The following PCDH15 variants were observed in gnomAD, a reference collection of about 807,000 sequenced individuals.
PCDH15 encodes protocadherin related 15.
Under a neutral mutation model 178.5 loss-of-function variants are expected in PCDH15, and 129 were observed. The observed-to-expected ratio is 0.72, with a 90% CI of 0.63 to 0.84. The LOEUF is 0.84. Among genes scored for constraint, PCDH15 ranks in the 40% least tolerant of loss-of-function variants. PCDH15 has a pLI of 0.00. For synonymous variants in PCDH15, 800 were observed against 732.0 expected, an observed-to-expected ratio of 1.09 and a Z score of -1.50; for missense variants, 2,230 against 2,099.9, an observed-to-expected ratio of 1.06 and a Z score of -1.21.
intron 2 of PCDH15, among the ~76,000 whole-genome samples, chr10:54,532,920 TGTGA>T (rs1033588430): frequency 6.6e-6 from 1 of 152,124 alleles, no homozygotes; most frequent in African/African-American, 2.4e-5. Flanking sequence ...ATGGTACCAG[TGTGA>T]GTGAGTGTGG....
At chr10:54,941,826 G>A (rs2131864327) in intron 2 of PCDH15, among the ~76,000 whole-genome samples, 1 of 151,870 alleles carries the variant, frequency 6.6e-6, no homozygotes, top group Admixed American at 6.6e-5. Flanking sequence ...CCCCCGTATT[G>A]TACAACAATC....
chr10:54,785,318 T>A (rs1950754344), intron 1 of PCDH15, among the ~76,000 whole-genome samples: 1 of 151,990 alleles, frequency 6.6e-6, no homozygotes, highest in African/African-American at 2.4e-5. Context: ...CATACCTCAG[T>A]ATTAATACTA....
At chr10:54,895,294 C>T (rs1471838227) in intron 3 of PCDH15, among the ~76,000 whole-genome samples, 2 of 152,216 alleles carry the variant, frequency 1.3e-5, no homozygotes, top group African/African-American at 4.8e-5. Flanking sequence ...GATTATACTT[C>T]TACAGATCAT....
intron 2 of PCDH15, among the ~76,000 whole-genome samples, chr10:54,574,175 T>C (rs2090193439): frequency 6.6e-6 from 1 of 151,388 alleles, no homozygotes; most frequent in Non-Finnish European, 1.5e-5. Context: ...CGTTTAAGTC[T>C]TTAATCCATC....
At chr10:54,931,271 CAT>C (rs1431184924) in intron 2 of PCDH15, among the ~76,000 whole-genome samples, 1 of 152,124 alleles carries the variant, frequency 6.6e-6, no homozygotes, top group East Asian at 1.9e-4. Context: ...TAAACAGAAA[CAT>C]ATCATTTATT....
At chr10:55,220,952 G>A (rs1840856637) in intron 1 of PCDH15, among the ~76,000 whole-genome samples, 1 of 151,874 alleles carries the variant, frequency 6.6e-6, no homozygotes, top group Non-Finnish European at 1.5e-5. Flanking sequence ...AATTCCATCT[G>A]GTACGTTCAA....
At chr10:54,130,967 A>G (rs2042388834) in intron 15 of PCDH15, among the ~76,000 whole-genome samples, 1 of 152,180 alleles carries the variant, frequency 6.6e-6, no homozygotes, top group East Asian at 1.9e-4. Context: ...CCTTCATGGT[A>G]TTACCCTTGT....
intron 1 of PCDH15, among the ~76,000 whole-genome samples, chr10:55,196,809 G>A (rs1219593435): frequency 4.6e-5 from 7 of 151,808 alleles, no homozygotes; most frequent in African/African-American, 1.2e-4. Context: ...TCTTACTCAC[G>A]ATGAATTATT....
intron 2 of PCDH15, among the ~76,000 whole-genome samples, chr10:55,033,072 A>G (rs988754341): frequency 2.6e-5 from 4 of 152,082 alleles, no homozygotes; most frequent in African/African-American, 4.8e-5. Flanking sequence ...TGAGCTGTGG[A>G]GGCTTGGATT....
intron 2 of PCDH15, among the ~76,000 whole-genome samples, chr10:54,990,453 G>A (rs1326459949): frequency 6.6e-6 from 1 of 152,112 alleles, no homozygotes; most frequent in East Asian, 1.9e-4. Flanking sequence ...GGAGTTATTA[G>A]ACTCATCTAT....
chr10:54,559,889 G>C (rs1189045058), intron 2 of PCDH15, among the ~76,000 whole-genome samples: 1 of 135,922 alleles, frequency 7.4e-6, no homozygotes, highest in Non-Finnish European at 1.6e-5. Context: ...AGAAAAGGTG[G>C]TTTGCTCCCT....
At position 54,579,894 on chromosome 10, in the gene PCDH15, C is replaced by T. The variant is rs901989107; in HGVS notation, c.92-52017G>A. ...TCCTGAAGGACTTTCAGATAAACAA[C>T]GATATTAAGGAAATTTATAAAATTA... On this transcript the variant is annotated intron_variant, in intron 2 of 37. Transcript: ENST00000644397. Among the ~76,000 whole-genome samples, 14 of 151,944 alleles carry T rather than the reference C, an allele frequency of 9.2e-5. 2 individuals carry two copies. The highest frequency in any genetic ancestry group is 6.6e-5 in the Admixed American group (1 of 15,236).
chr10:54,120,490 C>G (rs573505419), intron 15 of PCDH15, among the ~76,000 whole-genome samples: 11 of 152,174 alleles, frequency 7.2e-5, no homozygotes, highest in Non-Finnish European at 1.2e-4. Flanking sequence ...AAAAACAAAA[C>G]AAAACCAAGA....
chr10:54,860,617 T>C (rs1591748257), intron 3 of PCDH15, among the ~76,000 whole-genome samples: 1 of 152,270 alleles, frequency 6.6e-6, no homozygotes, highest in East Asian at 1.9e-4. Context: ...GAACATATGA[T>C]TGCATATATT....
rs559209399 is a variant in PCDH15, at chr10:53,810,556, C to T, written c.4671G>A (p.Glu1557=). ...TACATAATAAAATTACAGTAATTAC[C>T]TCTTCCTCCTCATATTCTTCCTCAG... The part of the protein sequence containing the change: ...GEAEEEYEEE[E]WARKRMIKLV... Residue 1557 remains glutamate (E), a splice_region_variant and synonymous_variant, in exon 37 of 38, where the codon GAG becomes GAA. Coordinates refer to ENST00000644397, the MANE Select transcript of PCDH15 (RefSeq NM_001384140.1). 1 of 1,611,308 alleles carries T rather than the reference C, an allele frequency of 6.2e-7. No individual in the cohort carries two copies. Among genetic ancestry groups the T allele is most frequent in the African/African-American group, 1.3e-5 (1 of 74,904 alleles).
At chr10:55,098,677 C>T (rs781097338) in intron 2 of PCDH15, among the ~76,000 whole-genome samples, 10 of 152,000 alleles carry the variant, frequency 6.6e-5, no homozygotes, top group African/African-American at 1.9e-4. Flanking sequence ...CAGCCTTCCC[C>T]GCATGCTATG....
intron 2 of PCDH15, among the ~76,000 whole-genome samples, chr10:55,124,740 T>C (rs1837854588): frequency 6.6e-6 from 1 of 152,110 alleles, no homozygotes; most frequent in South Asian, 2.1e-4. Context: ...TTCTGTATAT[T>C]TTACCTGCCT....
At chr10:54,057,239 G>A (rs571684750) in intron 18 of PCDH15, among the ~76,000 whole-genome samples, 1 of 152,200 alleles carries the variant, frequency 6.6e-6, no homozygotes, top group Admixed American at 6.5e-5. Flanking sequence ...TGTCCCAGTG[G>A]GGACTCTGTG....
intron 2 of PCDH15, among the ~76,000 whole-genome samples, chr10:55,589,971 C>T (rs1842808004): frequency 6.9e-6 from 1 of 144,350 alleles, no homozygotes; most frequent in Admixed American, 7.0e-5. Context: ...GGGTATATAC[C>T]CAAAGGACTA....
Sources: gnomAD v4.1 joint callset for allele counts (sites outside exome capture counted in the v4.1 genomes callset) on GRCh38, gnomAD v4.1.1 for gene constraint, MANE v1.5 for transcripts, NCBI Gene and HGNC (gene_info 2026-07-23, HGNC 2026-07-21) for gene names.